The following ZMYM3 variants were observed in gnomAD, a reference collection of about 807,000 sequenced individuals.
ZMYM3 encodes zinc finger MYM-type protein 3.
A neutral mutation model predicts 94.2 loss-of-function variants in ZMYM3; 6 were observed. The observed-to-expected ratio is 0.06, with a 90% CI of 0.03 to 0.13. The LOEUF (loss-of-function observed/expected upper bound fraction) is 0.13, where lower values mean the gene tolerates loss of function less well. ZMYM3 is among the 10% of genes least tolerant of loss of function. ZMYM3 has a pLI of 1.00. For missense variants in ZMYM3, 664 were observed against 1,132.6 expected (o/e 0.59, Z 5.94); for synonymous variants, 420 against 426.5 (o/e 0.98, Z 0.19).
intron 8 of ZMYM3, 35 bp from the exon 9 acceptor site, chrX:71,248,836 G>A: frequency 8.8e-7 from 1 of 1,132,178 alleles, no homozygotes; most frequent in Non-Finnish European, 1.2e-6. Flanking sequence ...GAGGAAAAGA[G>A]AAAGAGAGAG....
In ZMYM3 at chrX:71,246,441, G is replaced by T; in HGVS notation, c.2484C>A (p.Arg828=). The T allele has an allele frequency of 8.3e-7, 1 of 1,197,729 alleles. No homozygotes were observed. The highest frequency in any genetic ancestry group is 2.2e-5 in the Admixed American group (1 of 44,770). Residue 828 remains arginine (R), a synonymous_variant, in exon 15 of 25, where the codon CGC becomes CGA. Transcript: ENST00000314425. The part of the protein sequence containing the change: ...PPPPPPPATP[R]KNKAAMCKPL... ...GCTTACACATGGCAGCCTTGTTTTT[G>T]CGGGGTGTTGCTGGGGGTGGTGGGG...
chrX:71,255,084 A>ATCTCTCTCTCTCTCTC, upstream of ZMYM3: 1 of 20,844 alleles, frequency 4.8e-5, no homozygotes, highest in Non-Finnish European at 1.0e-4. Flanking sequence ...ACCAGGGCTG[A>ATCTCTCTCTCTCTCTC]TCTCTCTCTC....
In ZMYM3 at chrX:71,244,772, C is replaced by G. The variant is rs376681550; in HGVS notation, c.3111+18G>C. 28 of 1,164,316 alleles carry G rather than the reference C, an allele frequency of 2.4e-5. No homozygotes were observed. The African/African-American group carries it at 4.1e-4, about 17-fold the overall frequency. ...GGCCTCCATTCTTCTTTTGTACATA[C>G]AGTAGCCCCAGCCCTACCTTCCTCA... On this transcript the variant is annotated intron_variant, in intron 19 of 24. Coordinates refer to ENST00000314425, the MANE Select transcript of ZMYM3 (RefSeq NM_201599.3).
At chrX:71,251,723 T>A in intron 2 of ZMYM3, 122 bp from the exon 3 acceptor site, 1 of 1,031,080 alleles carries the variant, frequency 9.7e-7, no homozygotes, top group Non-Finnish European at 1.2e-6. Flanking sequence ...AAAACTCGAG[T>A]GCCTGTGGCT....
At chrX:71,243,576 G>A in intron 21 of ZMYM3, 3 of 366,423 alleles carry the variant, frequency 8.2e-6, no homozygotes, top group Non-Finnish European at 1.4e-5. Context: ...TAGGGGACAA[G>A]ATGAGGAACA....
intron 21 of ZMYM3, among the ~76,000 whole-genome samples, chrX:71,243,394 C>T (rs1380397390): frequency 9.0e-6 from 1 of 111,518 alleles, no homozygotes; most frequent in Non-Finnish European, 1.9e-5. Context: ...ATCCCAGCTC[C>T]ACCCATCCCT....
In ZMYM3 at chrX:71,246,357, T is replaced by C; in HGVS notation, c.2568A>G (p.Gln856=). ...CKVEMKSKGS[Q]TEEWKPQVIV... The stretch of plus-strand genomic sequence containing the variant: ...CATCGAGGTACCCTGGCTCACCTGT[T>C]TGACTTCCTTTGGACTTCATCTCCA... Residue 856 remains glutamine, a synonymous_variant, in exon 15 of 25, where the codon CAA becomes CAG. Transcript: ENST00000314425. The C allele has an allele frequency of 2.5e-6, 3 of 1,210,383 alleles. No individual in the cohort carries two copies. The highest frequency in any genetic ancestry group is 2.2e-6 in the Non-Finnish European group (2 of 895,176).
In ZMYM3 at chrX:71,249,154, A is replaced by G; in HGVS notation, c.1486T>C (p.Tyr496His). ...GAYKKKNTRV[Y>H]PCVWCKTLCK... is the part of the protein sequence containing the mutation. ...AGGGTCTTGCACCAGACACATGGGTACACACGTGTGTTTTTCTGTGAGGAT... is the reference window on the plus strand; with the variant it reads ...AGGGTCTTGCACCAGACACATGGGTGCACACGTGTGTTTTTCTGTGAGGAT... The change falls in exon 8 of 25, where the codon TAC becomes CAC. Residue 496 changes from tyrosine to histidine, a missense_variant. This residue lies in a region of ZMYM3 where 159 missense variants were observed against 313.0 expected (regional missense o/e 0.51). Coordinates refer to ENST00000314425, the MANE Select transcript of ZMYM3 (RefSeq NM_201599.3). 8.3e-7 allele frequency: 1 copy of G among 1,211,849 alleles called. No individual in the cohort carries two copies. Among genetic ancestry groups the G allele is most frequent in the Non-Finnish European group, 1.1e-6 (1 of 895,488 alleles).
rs2030345868 is a variant in ZMYM3, at chrX:71,249,484, T to C, written c.1447A>G (p.Thr483Ala). Residue 483 changes from threonine to alanine, a missense_variant, in exon 7 of 25, where the codon ACC (threonine) becomes GCC (alanine). Physicochemically the swap from Thr to Ala is moderately conservative, Grantham distance 58. This residue lies in a region of ZMYM3 where 159 missense variants were observed against 313.0 expected (regional missense o/e 0.51). Transcript: ENST00000314425. ...EGQQKRFCNT[T>A]CLGAYKKKNT... ...ACCTTCTTGTACGCCCCCAAGCAGG[T>C]TGTGTTGCAGAACCGCTTTTGTTGG... 2 of 1,194,909 alleles carry C rather than the reference T, an allele frequency of 1.7e-6. No homozygotes were observed. Among genetic ancestry groups the C allele is most frequent in the South Asian group, 1.8e-5 (1 of 54,696 alleles).
Position 71,251,065 on chromosome X carries a change from G to A in ZMYM3, c.778+113C>T, listed in dbSNP as rs1236046738. 8 of 796,913 alleles carry A rather than the reference G, an allele frequency of 1.0e-5. No homozygotes were observed. The African/African-American group carries it at 1.2e-4, about 12-fold the overall frequency. The allele number at this position is 796,913 out of a possible 1,213,427, so 65.7% of individuals were successfully genotyped here. ...CATAGCAGAGACAGGCACTTCATGC[G>A]CTTCATGGAGCAGGACGGCAGGAGC... is the stretch of plus-strand genomic sequence containing the variant. On this transcript the variant is annotated intron_variant, in intron 4 of 24. Coordinates refer to ENST00000314425, the MANE Select transcript of ZMYM3 (RefSeq NM_201599.3).
In ZMYM3 at chrX:71,246,052, G is replaced by T. The variant is rs1477583154; in HGVS notation, c.2619C>A (p.Ile873=). The T allele has an allele frequency of 4.3e-5, 52 of 1,209,634 alleles. No individual in the cohort carries two copies. Among genetic ancestry groups the T allele is most frequent in the Non-Finnish European group, 5.7e-5 (51 of 895,072 alleles). Residue 873 remains isoleucine, a synonymous_variant, in exon 16 of 25, where the codon ATC becomes ATA. Coordinates refer to ENST00000314425, the MANE Select transcript of ZMYM3 (RefSeq NM_201599.3). ...QVIVLPIPVP[I]FVPVPMHLYC... The stretch of plus-strand genomic sequence containing the variant: ...ACAGATGCATAGGCACTGGCACGAA[G>T]ATGGGCACTGGGATGGGCAGCACGA...
At chrX:71,251,857 G>T (rs1330541394) in intron 2 of ZMYM3, 2 of 751,207 alleles carry the variant, frequency 2.7e-6, no homozygotes, top group Non-Finnish European at 3.1e-6. Context: ...AATCCTTGGG[G>T]GTTAAGGAAA....
At chrX:71,241,502 C>T (rs2029945614) in intron 23 of ZMYM3, among the ~76,000 whole-genome samples, 158 bp from the exon 24 acceptor site, 2 of 111,098 alleles carry the variant, frequency 1.8e-5, no homozygotes, top group Admixed American at 1.9e-4. Flanking sequence ...CCCTCTCCCA[C>T]GCCAACCCAA....
Position 71,240,773 on chromosome X carries a change from G to C in ZMYM3, c.*143C>G. 1 of 593,208 alleles carries C rather than the reference G, an allele frequency of 1.7e-6. No homozygotes were observed. The highest frequency in any genetic ancestry group is 3.5e-5 in the East Asian group (1 of 28,933). The allele number at this position is 593,208 out of a possible 1,213,427, so 48.9% of individuals were successfully genotyped here. A position where few individuals can be genotyped will look rare whatever the true frequency, so the allele number is the denominator to read the frequency against. ...AAGAAGATAAAAGCCAGGGTTCCTA[G>C]AGAAGGCAGGGAATGGGTGAGCGGA... On this transcript the variant is annotated 3_prime_UTR_variant, in exon 25 of 25. Coordinates refer to ENST00000314425, the MANE Select transcript of ZMYM3 (RefSeq NM_201599.3).
At chrX:71,249,807 C>T (rs972678772) in intron 6 of ZMYM3, 128 bp from the exon 7 acceptor site, 42 of 1,093,765 alleles carry the variant, frequency 3.8e-5, no homozygotes, top group Admixed American at 6.7e-5. Flanking sequence ...CCCCAACCTG[C>T]GCCGCAGGCT....
chrX:71,246,807 AG>A, intron 13 of ZMYM3, 115 bp from the exon 14 acceptor site: 1 of 711,996 alleles, frequency 1.4e-6, no homozygotes, highest in Non-Finnish European at 2.0e-6. Context: ...GGGAACTTCT[AG>A]GATTTGACCC....
At chrX:71,247,930 A>T in intron 11 of ZMYM3, 24 bp from the exon 12 acceptor site, 6 of 1,166,068 alleles carry the variant, frequency 5.1e-6, no homozygotes, top group Non-Finnish European at 6.9e-6. Context: ...AAGAGGAAAG[A>T]GAGTCCAGAG....
In ZMYM3 at chrX:71,241,306, G is replaced by A; in HGVS notation, c.3841C>T (p.Pro1281Ser). The A allele has an allele frequency of 8.3e-7, 1 of 1,206,609 alleles. No homozygotes were observed. The highest frequency in any genetic ancestry group is 1.1e-6 in the Non-Finnish European group (1 of 892,600). The change falls in exon 24 of 25, where the codon CCT (proline) becomes TCT (serine). Residue 1281 changes from proline (P) to serine (S), a missense_variant. Around this residue, in one of 9 missense-constraint regions of ZMYM3, gnomAD observed 58 missense variants for 112.4 expected, o/e 0.52. Coordinates refer to ENST00000314425, the MANE Select transcript of ZMYM3 (RefSeq NM_201599.3). ...CGGTTCTCACGCTGCTCTAAGATAG[G>A]GGCTTCATCTTCTCTCTTCCGTTTT... ...PGKRKREDEA[P>S]ILEQRENRMN...
chrX:71,250,846 C>T (rs2030427433), intron 4 of ZMYM3, 120 bp from the exon 5 acceptor site: 1 of 719,768 alleles, frequency 1.4e-6, no homozygotes, highest in Non-Finnish European at 2.0e-6. Context: ...ACACCCTGGC[C>T]CTTGTTACAT....
Sources: gnomAD v4.1 joint callset for allele counts (sites outside exome capture counted in the v4.1 genomes callset) on GRCh38, gnomAD v4.1.1 for gene constraint, gnomAD v4.1.1 regional missense constraint, MANE v1.5 for transcripts, NCBI Gene and HGNC (gene_info 2026-07-23, HGNC 2026-07-21) for gene names.